The following CDON variants were observed in gnomAD, a reference collection of about 807,000 sequenced individuals.
CDON encodes the protein cell adhesion molecule-related/down-regulated by oncogenes.
CDON carries 73 observed loss-of-function variants against 120.9 expected under a neutral mutation model. The ratio of observed to expected loss-of-function variants is 0.60; its 90% CI spans 0.50 to 0.73. The LOEUF is 0.73. CDON is among the 30% of genes least tolerant of loss of function. The probability of loss-of-function intolerance (pLI) is 0.00; values close to 1 mark genes in which losing one functional copy is unlikely to be tolerated. For synonymous variants in CDON, 566 were observed against 573.5 expected, an observed-to-expected ratio of 0.99 and a Z score of 0.19; for missense variants, 1,470 against 1,587.3, an observed-to-expected ratio of 0.93 and a Z score of 1.26.
chr11:126,005,105 G>C (rs559339622), intron 9 of CDON, among the ~76,000 whole-genome samples: 12 of 152,128 alleles, frequency 7.9e-5, no homozygotes, highest in Non-Finnish European at 1.6e-4. Context: ...TTCAAGACCA[G>C]TCTGGCTAAT....
chr11:125,999,565 A>C (rs552776117), intron 11 of CDON, among the ~76,000 whole-genome samples: 68 of 152,294 alleles, frequency 4.5e-4, no homozygotes, highest in African/African-American at 1.5e-3. Flanking sequence ...GGACAACTCC[A>C]AACTCATCAT....
intron 1 of CDON, among the ~76,000 whole-genome samples, chr11:126,057,980 A>T (rs1208507027): frequency 1.3e-5 from 2 of 152,184 alleles, no homozygotes; most frequent in Non-Finnish European, 2.9e-5. Context: ...TTTACAGACA[A>T]AGACCCCCAA....
chr11:125,977,817 CTTAAGATT>C (rs1339559592), intron 18 of CDON, among the ~76,000 whole-genome samples: 2 of 135,104 alleles, frequency 1.5e-5, no homozygotes, highest in Non-Finnish European at 1.6e-5. Flanking sequence ...GCTTAATTTT[CTTAAGATT>C]TTAAGAATTA....
chr11:125,972,273 A>G (rs1278616260), intron 18 of CDON, among the ~76,000 whole-genome samples: 1 of 152,082 alleles, frequency 6.6e-6, no homozygotes, highest in Non-Finnish European at 1.5e-5. Context: ...TAAAAATACA[A>G]AAAAATTAGC....
At chr11:126,054,545 C>T (rs565845950) in intron 1 of CDON, among the ~76,000 whole-genome samples, 7 of 152,082 alleles carry the variant, frequency 4.6e-5, no homozygotes, top group African/African-American at 9.7e-5. Flanking sequence ...TGAATTTTTA[C>T]GAGCAAAATC....
At chr11:126,006,300 A>C (rs1301976248) in intron 8 of CDON, among the ~76,000 whole-genome samples, 1 of 152,210 alleles carries the variant, frequency 6.6e-6, no homozygotes, top group Non-Finnish European at 1.5e-5. Context: ...TGTAGCAGTT[A>C]AACGTTCTTA....
intron 18 of CDON, among the ~76,000 whole-genome samples, chr11:125,963,399 A>T (rs1048781558): frequency 2.6e-5 from 4 of 152,174 alleles, no homozygotes; most frequent in Non-Finnish European, 5.9e-5. Context: ...CATAGGACTG[A>T]CCAGTAGTAT....
At chr11:126,006,133 T>G (rs1947123324) in intron 8 of CDON, 76 bp from the exon 9 acceptor site, 2 of 1,315,246 alleles carry the variant, frequency 1.5e-6, no homozygotes, top group Non-Finnish European at 2.2e-6. Context: ...GTGACGTGAC[T>G]GCCCTCACTT....
At chr11:125,998,042 A>G (rs1470258824) in intron 11 of CDON, among the ~76,000 whole-genome samples, 1 of 152,180 alleles carries the variant, frequency 6.6e-6, no homozygotes, top group Non-Finnish European at 1.5e-5. Context: ...GCTAGCAGAA[A>G]ACATGATCCA....
intron 18 of CDON, among the ~76,000 whole-genome samples, chr11:125,970,559 C>T (rs1381785415): frequency 1.3e-5 from 2 of 152,186 alleles, no homozygotes; most frequent in Non-Finnish European, 2.9e-5. Context: ...TTTTCGGGAG[C>T]TTATCAGTTA....
At chr11:126,024,196 T>C (rs1947720613) in intron 1 of CDON, among the ~76,000 whole-genome samples, 1 of 152,208 alleles carries the variant, frequency 6.6e-6, no homozygotes, top group Admixed American at 6.5e-5. Flanking sequence ...ACATTCAGCT[T>C]TGAAGGCCAT....
At chr11:125,970,967 G>C (rs543030281) in intron 18 of CDON, among the ~76,000 whole-genome samples, 1 of 152,184 alleles carries the variant, frequency 6.6e-6, no homozygotes, top group Non-Finnish European at 1.5e-5. Flanking sequence ...GATTACCATA[G>C]ATGGAAGAGA....
chr11:126,033,850 G>A (rs542870299), intron 1 of CDON, among the ~76,000 whole-genome samples: 4 of 152,282 alleles, frequency 2.6e-5, no homozygotes, highest in South Asian at 2.1e-4. Context: ...TCTCTGGGGC[G>A]TATGGGGGTT....
At chr11:126,053,853 C>T (rs926589028) in intron 1 of CDON, among the ~76,000 whole-genome samples, 2 of 151,926 alleles carry the variant, frequency 1.3e-5, no homozygotes, top group Non-Finnish European at 2.9e-5. Context: ...ACGCTCACTC[C>T]CTAATTGTTA....
chr11:126,002,080 T>C (rs1260924471), intron 10 of CDON, among the ~76,000 whole-genome samples: 4 of 152,246 alleles, frequency 2.6e-5, no homozygotes, highest in Non-Finnish European at 5.9e-5. Context: ...AATGTCTTTC[T>C]TCATTCTAAC....
At chr11:125,991,168 T>C (rs1946623649) in intron 14 of CDON, among the ~76,000 whole-genome samples, 1 of 152,222 alleles carries the variant, frequency 6.6e-6, no homozygotes, top group Non-Finnish European at 1.5e-5. Context: ...AGAAAAATAG[T>C]TAAAATGATA....
At chr11:126,017,432 C>T in intron 5 of CDON, 57 bp from the exon 6 acceptor site, 3 of 1,525,392 alleles carry the variant, frequency 2.0e-6, no homozygotes, top group Non-Finnish European at 2.7e-6. Context: ...TAATCTCTTG[C>T]TTAGCAAACC....
In CDON at chr11:126,034,665, A is replaced by G. The variant is rs144766939; in HGVS notation, c.-61-11128T>C. The stretch of plus-strand genomic sequence containing the variant: ...CATCCACAGTGGGTTGTACAGGAGC[A>G]TTATAAATATTTAAAAGCATAGCTG... On this transcript the variant is annotated intron_variant, in intron 1 of 19. Transcript: ENST00000531738. This position sits in a 1 kb window ranked among gnomAD's most constrained non-coding sequence, Gnocchi z 4.5. Among the ~76,000 whole-genome samples the G allele has an allele frequency of 8.8e-3, 1,339 of 152,346 alleles. 24 individuals are homozygous for G. The highest frequency in any genetic ancestry group is 0.03 in the African/African-American group (1,253 of 41,570).
intron 1 of CDON, among the ~76,000 whole-genome samples, chr11:126,055,350 G>A (rs1591438898): frequency 6.6e-6 from 1 of 152,058 alleles, no homozygotes; most frequent in Admixed American, 6.6e-5. Flanking sequence ...TGGTATGGAT[G>A]GGCATACATA....
Sources: gnomAD v4.1 joint callset for allele counts (sites outside exome capture counted in the v4.1 genomes callset) on GRCh38, gnomAD v4.1.1 for gene constraint, Gnocchi (gnomAD v3.1) non-coding constraint, MANE v1.5 for transcripts, NCBI Gene and HGNC (gene_info 2026-07-23, HGNC 2026-07-21) for gene names.